The following ARGFX variants were observed in gnomAD, a reference collection of about 807,000 sequenced individuals.
ARGFX encodes arginine-fifty homeobox.
Under a neutral mutation model 8.0 loss-of-function variants are expected in ARGFX, and 10 were observed. The observed-to-expected ratio is 1.25, with a 90% CI of 0.77 to 2.12. The LOEUF (loss-of-function observed/expected upper bound fraction) is 2.12. ARGFX is among the 30% of genes most tolerant of loss of function. The pLI is 0.00. For synonymous variants in ARGFX, 116 were observed against 117.8 expected, an observed-to-expected ratio of 0.98 and a Z score of 0.10; for missense variants, 282 against 324.3, an observed-to-expected ratio of 0.87 and a Z score of 1.00.
intron 2 of ARGFX, among the ~76,000 whole-genome samples, chr3:121,573,497 A>G (rs1169684412): frequency 2.0e-5 from 3 of 151,780 alleles, no homozygotes; most frequent in Non-Finnish European, 2.9e-5. Flanking sequence ...GAAAAAAAAA[A>G]GTAAAATGGC....
chr3:121,585,929 G>A (rs1266392852), intron 4 of ARGFX, 93 bp from the exon 5 acceptor site: 1 of 1,231,492 alleles, frequency 8.1e-7, no homozygotes, highest in African/African-American at 1.5e-5. Flanking sequence ...GAGAGGACAT[G>A]AAGATTATAA....
intron 2 of ARGFX, among the ~76,000 whole-genome samples, chr3:121,572,674 C>T (rs917924486): frequency 2.6e-5 from 4 of 152,158 alleles, no homozygotes; most frequent in African/African-American, 9.7e-5. Context: ...TATATAAAGT[C>T]TCAAGGAATC....
At chr3:121,576,351 A>G (rs1405720165) in intron 2 of ARGFX, among the ~76,000 whole-genome samples, 1 of 151,966 alleles carries the variant, frequency 6.6e-6, no homozygotes, top group Admixed American at 6.6e-5. Context: ...TTATTTATTT[A>G]TTTCTGAGAT....
chr3:121,586,661 C>G lies in ARGFX; in HGVS notation c.*61C>G. ...TGGTCTTCTTGCCTCTTGTACATGA[C>G]TGTTTTTTTCCTTTGTCTCATTTTA... On this transcript the variant is annotated 3_prime_UTR_variant, in exon 5 of 5. Coordinates refer to ENST00000334384, the MANE Select transcript of ARGFX (RefSeq NM_001012659.2). 7.4e-7 allele frequency: 1 copy of G among 1,357,578 alleles called. No individual in the cohort carries two copies. Among genetic ancestry groups the G allele is most frequent in the Non-Finnish European group, 1.0e-6 (1 of 994,264 alleles). The allele number at this position is 1,357,578 out of a possible 1,614,324, so 84.1% of individuals were successfully genotyped here. A position where few individuals can be genotyped will look rare whatever the true frequency, so the allele number is the denominator to read the frequency against.
At chr3:121,579,733 C>T (rs923403290) in intron 3 of ARGFX, among the ~76,000 whole-genome samples, 1 of 151,944 alleles carries the variant, frequency 6.6e-6, no homozygotes, top group East Asian at 1.9e-4. Context: ...TATGGTGGTG[C>T]ACATTTAGTC....
In ARGFX at chr3:121,588,614, G is replaced by A. The variant is rs1291244292; in HGVS notation, c.*2014G>A. 6.6e-6 allele frequency among the ~76,000 whole-genome samples: 1 copy of A among 151,528 alleles called. No homozygotes were observed. The highest frequency in any genetic ancestry group is 1.5e-5 in the Non-Finnish European group (1 of 67,880). On this transcript the variant is annotated 3_prime_UTR_variant, in exon 5 of 5. Transcript: ENST00000334384. ...GGAGAAAACTTCAAAACTTAAAAAAGGACATAGAAAATGTTTTGAATAGGC... is the reference window on the plus strand; with the variant it reads ...GGAGAAAACTTCAAAACTTAAAAAAAGACATAGAAAATGTTTTGAATAGGC...
chr3:121,580,846 C>G (rs1040160448), intron 3 of ARGFX, among the ~76,000 whole-genome samples: 2 of 151,652 alleles, frequency 1.3e-5, no homozygotes, highest in African/African-American at 4.8e-5. Flanking sequence ...GCTAATGATT[C>G]AAAAGTATGT....
At chr3:121,583,584 C>G (rs965638861) in intron 3 of ARGFX, among the ~76,000 whole-genome samples, 1 of 151,680 alleles carries the variant, frequency 6.6e-6, no homozygotes, top group Non-Finnish European at 1.5e-5. Flanking sequence ...AGTTATTATG[C>G]GGTGACAATC....
intron 3 of ARGFX, among the ~76,000 whole-genome samples, chr3:121,579,491 C>T (rs2048764537): frequency 1.3e-5 from 2 of 152,174 alleles, no homozygotes; most frequent in Non-Finnish European, 2.9e-5. Context: ...ATCAGTGATT[C>T]CAGCGTGTCC....
chr3:121,586,096 C>A lies in ARGFX; in HGVS notation c.444C>A (p.Ile148=), dbSNP rs1178108387. 6.2e-7 allele frequency: 1 copy of A among 1,607,488 alleles called. No homozygotes were observed. The highest frequency in any genetic ancestry group is 8.5e-7 in the Non-Finnish European group (1 of 1,177,834). ...QQQSAKQRNQ[I]LPSKKNVPTS... ...AATCAGCAAAGCAACGAAACCAGAT[C>A]CTTCCATCCAAGAAGAATGTGCCCA... The change falls in exon 5 of 5, where the codon ATC becomes ATA. Residue 148 remains isoleucine (I), a synonymous_variant. Transcript: ENST00000334384.
chr3:121,569,543 C>A (rs1205232104), intron 1 of ARGFX, among the ~76,000 whole-genome samples: 2 of 151,850 alleles, frequency 1.3e-5, no homozygotes, highest in African/African-American at 4.8e-5. Context: ...TTTTCGTATT[C>A]TTAGTAGAGA....
intron 3 of ARGFX, among the ~76,000 whole-genome samples, chr3:121,583,319 C>A (rs774309319): frequency 4.6e-5 from 7 of 151,944 alleles, no homozygotes; most frequent in African/African-American, 9.7e-5. Context: ...TGTGAGTCAC[C>A]ACACCTGGCT....
intron 3 of ARGFX, among the ~76,000 whole-genome samples, chr3:121,581,359 A>G (rs2048779078): frequency 6.6e-6 from 1 of 152,234 alleles, no homozygotes; most frequent in African/African-American, 2.4e-5. Flanking sequence ...AATTTTGTTA[A>G]GCAGACAAAA....
At chr3:121,575,647 C>G (rs1229040393) in intron 2 of ARGFX, among the ~76,000 whole-genome samples, 1 of 152,106 alleles carries the variant, frequency 6.6e-6, no homozygotes, top group Non-Finnish European at 1.5e-5. Flanking sequence ...GGCACAGTGC[C>G]TCATGCCTGT....
At chr3:121,571,224 A>G (rs2048706147) in intron 2 of ARGFX, among the ~76,000 whole-genome samples, 1 of 152,224 alleles carries the variant, frequency 6.6e-6, no homozygotes, top group Non-Finnish European at 1.5e-5. Flanking sequence ...ATTCATTTAT[A>G]TAAGGTGGAT....
intron 2 of ARGFX, among the ~76,000 whole-genome samples, chr3:121,572,239 T>G (rs58091047): frequency 1.6e-3 from 54 of 34,180 alleles, no homozygotes; most frequent in Non-Finnish European, 2.1e-3. Flanking sequence ...TATTGTTGTT[T>G]TTTTTTTTTT....
intron 2 of ARGFX, among the ~76,000 whole-genome samples, chr3:121,573,653 A>G (rs1184009207): frequency 2.0e-5 from 3 of 152,090 alleles, no homozygotes; most frequent in African/African-American, 7.2e-5. Context: ...GTTCAAGATC[A>G]GCCTGACCAA....
intron 2 of ARGFX, among the ~76,000 whole-genome samples, chr3:121,572,885 C>A (rs2048716947): frequency 6.6e-6 from 1 of 152,152 alleles, no homozygotes; most frequent in African/African-American, 2.4e-5. Flanking sequence ...GTGCTAAGGC[C>A]ATTCAATTGG....
chr3:121,572,532 C>CA, intron 2 of ARGFX, among the ~76,000 whole-genome samples: 1 of 152,230 alleles, frequency 6.6e-6, no homozygotes, highest in Non-Finnish European at 1.5e-5. Context: ...AGGCATGAGC[C>CA]ACCACTGCCC....
Sources: gnomAD v4.1 joint callset for allele counts (sites outside exome capture counted in the v4.1 genomes callset) on GRCh38, gnomAD v4.1.1 for gene constraint, MANE v1.5 for transcripts, NCBI Gene and HGNC (gene_info 2026-07-23, HGNC 2026-07-21) for gene names.